Variants in CNTLN observed in about 807,000 individuals in gnomAD.
CNTLN encodes the protein centlein, centrosomal protein.
CNTLN carries 212 observed loss-of-function variants against 180.0 expected under a neutral mutation model. The ratio of observed to expected loss-of-function variants is 1.18; its 90% CI spans 1.05 to 1.32. CNTLN has a LOEUF of 1.32. Ranked by LOEUF, CNTLN falls within the 40% of genes most tolerant of loss-of-function variation. The pLI is 0.00. For missense variants in CNTLN, 2,095 were observed against 1,610.9 expected, an observed-to-expected ratio of 1.30 and a Z score of -5.14; for synonymous variants, 722 against 563.1, an observed-to-expected ratio of 1.28 and a Z score of -3.99.
intron 2 of CNTLN, among the ~76,000 whole-genome samples, chr9:17,180,266 G>C (rs112741527): frequency 1.4e-5 from 2 of 145,098 alleles, no homozygotes; most frequent in Admixed American, 6.9e-5. Flanking sequence ...CTATTGGAAC[G>C]CATTTTAGAA....
chr9:17,393,130 G>A (rs956255749), intron 14 of CNTLN, among the ~76,000 whole-genome samples: 2 of 152,072 alleles, frequency 1.3e-5, no homozygotes, highest in Non-Finnish European at 2.9e-5. Context: ...CCTTCTTGCT[G>A]TGTCCTCACA....
At chr9:17,156,877 A>G (rs1294475881) in intron 2 of CNTLN, among the ~76,000 whole-genome samples, 2 of 152,262 alleles carry the variant, frequency 1.3e-5, no homozygotes, top group African/African-American at 2.4e-5. Flanking sequence ...TAGCTAGCCT[A>G]TGGACTTAAT....
At chr9:17,295,441 A>G (rs1461723215) in intron 6 of CNTLN, among the ~76,000 whole-genome samples, 1 of 152,006 alleles carries the variant, frequency 6.6e-6, no homozygotes, top group Non-Finnish European at 1.5e-5. Flanking sequence ...AGGAGCTCGC[A>G]TTACTCTGTG....
At chr9:17,271,660 G>C (rs1419162744) in intron 5 of CNTLN, among the ~76,000 whole-genome samples, 2 of 151,966 alleles carry the variant, frequency 1.3e-5, no homozygotes, top group Admixed American at 6.6e-5. Flanking sequence ...TCACCTCTTT[G>C]CTCCCAGGCC....
chr9:17,205,172 G>C (rs1195290518), intron 2 of CNTLN, among the ~76,000 whole-genome samples: 2 of 152,140 alleles, frequency 1.3e-5, no homozygotes, highest in Admixed American at 6.6e-5. Context: ...GAGACCACTT[G>C]GCTCCCTGGC....
chr9:17,290,334 C>T (rs1323520214), intron 6 of CNTLN, among the ~76,000 whole-genome samples: 4 of 151,132 alleles, frequency 2.6e-5, no homozygotes, highest in Middle Eastern at 3.2e-3. Flanking sequence ...GGTCAGGGGT[C>T]AGGGACCCAC....
At chr9:17,256,597 T>C (rs950707758) in intron 5 of CNTLN, among the ~76,000 whole-genome samples, 1 of 151,888 alleles carries the variant, frequency 6.6e-6, no homozygotes, top group Admixed American at 6.6e-5. Flanking sequence ...AGTTGTCTTT[T>C]ATTTGCAATT....
intron 2 of CNTLN, among the ~76,000 whole-genome samples, chr9:17,166,165 T>C (rs1193994098): frequency 1.3e-5 from 2 of 151,916 alleles, no homozygotes; most frequent in Non-Finnish European, 2.9e-5. Context: ...TTGTAAGACA[T>C]GTAAGGGAAA....
intron 23 of CNTLN, among the ~76,000 whole-genome samples, chr9:17,470,142 AC>A (rs1831977106): frequency 6.6e-6 from 1 of 151,836 alleles, no homozygotes; most frequent in South Asian, 2.1e-4. Flanking sequence ...GAGGAAAGGA[AC>A]GTTGTCATTT....
At chr9:17,520,419 G>A in the CNTLN span, among the ~76,000 whole-genome samples, 3 of 152,184 alleles carry the variant, frequency 2.0e-5, no homozygotes, top group African/African-American at 7.2e-5. Context: ...TAAAGAGCTG[G>A]AGCAGGAAGG....
At position 17,199,476 on chromosome 9, in the gene CNTLN, G is replaced by A. The variant is rs141837164; in HGVS notation, c.450-26727G>A. Among the ~76,000 whole-genome samples, 1,055 of 152,198 alleles carry A rather than the reference G, an allele frequency of 6.9e-3. 11 individuals are homozygous for A. The highest frequency in any genetic ancestry group is 0.024 in the African/African-American group (999 of 41,536). ...TCCACCCTCCTTGGCCTCCCAAAGT[G>A]CTGGGATTACAGGCGTAAGCCACCA... On this transcript the variant is annotated intron_variant, in intron 2 of 25. Coordinates refer to ENST00000380647, the MANE Select transcript of CNTLN (RefSeq NM_017738.4).
chr9:17,160,961 A>G (rs1021972497), intron 2 of CNTLN, among the ~76,000 whole-genome samples: 21 of 152,182 alleles, frequency 1.4e-4, no homozygotes, highest in Admixed American at 3.9e-4. Context: ...ATAGCTCTGC[A>G]TTTAGCTATT....
At chr9:17,291,190 G>T (rs1303091196) in intron 6 of CNTLN, among the ~76,000 whole-genome samples, 3 of 152,100 alleles carry the variant, frequency 2.0e-5, no homozygotes, top group African/African-American at 7.2e-5. Context: ...CAGTTCTTTT[G>T]TATTTGCTGA....
In CNTLN at chr9:17,376,789, A is replaced by G. The variant is rs558291466; in HGVS notation, c.1987+10072A>G. ...AATGGCCAGATACGGAGAAGGCTAG[A>G]TGGGTAGACTAATTATATAAAAAGA... is the stretch of plus-strand genomic sequence containing the variant. On this transcript the variant is annotated intron_variant, in intron 13 of 25. Coordinates refer to ENST00000380647, the MANE Select transcript of CNTLN (RefSeq NM_017738.4). Among the ~76,000 whole-genome samples, 788 of 152,324 alleles carry G rather than the reference A, an allele frequency of 5.2e-3. 5 individuals are homozygous for G. The highest frequency in any genetic ancestry group is 8.2e-3 in the Admixed American group (125 of 15,296).
chr9:17,509,495 G>A, the CNTLN span, among the ~76,000 whole-genome samples: 1 of 152,216 alleles, frequency 6.6e-6, no homozygotes, highest in Non-Finnish European at 1.5e-5. Flanking sequence ...CAAATGAAGT[G>A]TGGCAATGGG....
intron 24 of CNTLN, among the ~76,000 whole-genome samples, 164 bp from the exon 25 acceptor site, chr9:17,486,825 A>C (rs1309512872): frequency 6.6e-6 from 1 of 152,268 alleles, no homozygotes; most frequent in African/African-American, 2.4e-5. Context: ...CGATAAATTA[A>C]ATTTTAAAGA....
At position 17,405,165 on chromosome 9, in the gene CNTLN, C is replaced by G. The variant is rs1454945874; in HGVS notation, c.2616-4128C>G. 2.0e-5 allele frequency among the ~76,000 whole-genome samples: 3 copies of G among 151,630 alleles called. 1 individual carries two copies. Among genetic ancestry groups the G allele is most frequent in the African/African-American group, 7.3e-5 (3 of 41,020 alleles). On this transcript the variant is annotated intron_variant, in intron 15 of 25. Coordinates refer to ENST00000380647, the MANE Select transcript of CNTLN (RefSeq NM_017738.4). Reference sequence around the variant, plus strand: ...TTCTACCTCTTGTTATTATAGTTTGCCATACCATACTCTTTATTTTCTTCT... The same window carrying G: ...TTCTACCTCTTGTTATTATAGTTTGGCATACCATACTCTTTATTTTCTTCT...
At chr9:17,156,215 G>A (rs1563831069) in intron 2 of CNTLN, among the ~76,000 whole-genome samples, 3 of 152,250 alleles carry the variant, frequency 2.0e-5, no homozygotes, top group East Asian at 1.9e-4. Context: ...ATTGAGTTTC[G>A]TGTTAACAAA....
chr9:17,475,477 T>C (rs2134260681), intron 23 of CNTLN, among the ~76,000 whole-genome samples: 1 of 143,306 alleles, frequency 7.0e-6, no homozygotes, highest in East Asian at 2.1e-4. Context: ...GAAAGCTCCA[T>C]CAATCTAACA....
Sources: allele counts gnomAD v4.1 joint callset (sites outside exome capture counted in the v4.1 genomes callset), GRCh38; gene constraint gnomAD v4.1.1; transcripts MANE v1.5; gene names NCBI Gene and HGNC (gene_info 2026-07-23, HGNC 2026-07-21).